The following FBXL2 variants were observed in gnomAD, a reference collection of about 807,000 sequenced individuals.
FBXL2 encodes F-box and leucine rich repeat protein 2.
FBXL2 carries 38 observed loss-of-function variants against 69.2 expected under a neutral mutation model. The ratio of observed to expected loss-of-function variants is 0.55; its 90% CI spans 0.42 to 0.72. The LOEUF is 0.72. Among genes scored for constraint, FBXL2 ranks in the 30% least tolerant of loss-of-function variants. The pLI is 0.00. For synonymous variants in FBXL2, 192 were observed against 201.3 expected (o/e 0.95, Z 0.39); for missense variants, 354 against 520.3 (o/e 0.68, Z 3.11).
At chr3:33,384,811 C>T (rs952952420) in intron 14 of FBXL2, among the ~76,000 whole-genome samples, 2 of 152,026 alleles carry the variant, frequency 1.3e-5, no homozygotes, top group African/African-American at 2.4e-5. Context: ...GAGGCCGAGG[C>T]GGGCGGATCA....
chr3:33,329,775 T>G (rs2039008673), intron 2 of FBXL2, among the ~76,000 whole-genome samples: 1 of 152,084 alleles, frequency 6.6e-6, no homozygotes, highest in South Asian at 2.1e-4. Flanking sequence ...GAGGACCGTT[T>G]GAGACCAGGA....
rs2043385309 is a variant in FBXL2, at chr3:33,385,664, A to G, written c.*56A>G. The G allele has an allele frequency of 7.2e-7, 1 of 1,386,498 alleles. No homozygotes were observed. The highest frequency in any genetic ancestry group is 1.4e-5 in the African/African-American group (1 of 70,226). The allele number at this position is 1,386,498 out of a possible 1,614,324, so 85.9% of individuals were successfully genotyped here. The stretch of plus-strand genomic sequence containing the variant: ...GGCATCCTTTCCTCTAGAAGACCTG[A>G]GTCTTCCTGACCGACTCCACCATCA... On this transcript the variant is annotated 3_prime_UTR_variant, in exon 15 of 15. Transcript: ENST00000484457.
At chr3:33,278,364 A>T (rs185030750) in intron 1 of FBXL2, 1 of 152,152 alleles carries the variant, frequency 6.6e-6, no homozygotes, top group Admixed American at 6.6e-5. Flanking sequence ...TTGCTTGGGG[A>T]CACACCCTTG....
intron 12 of FBXL2, chr3:33,396,921 G>T: frequency 1.2e-6 from 1 of 863,086 alleles, no homozygotes; most frequent in Non-Finnish European, 1.9e-6. Context: ...GCACAATGCT[G>T]CCAATGCTCG....
At chr3:33,370,417 C>CAA (rs35020611) in intron 5 of FBXL2, among the ~76,000 whole-genome samples, 6 of 129,128 alleles carry the variant, frequency 4.6e-5, no homozygotes, top group Admixed American at 7.9e-5. Context: ...GACTCCGTCT[C>CAA]AAAAAAAAAA....
At chr3:33,295,557 A>G (rs898201524) in intron 1 of FBXL2, among the ~76,000 whole-genome samples, 11 of 152,216 alleles carry the variant, frequency 7.2e-5, no homozygotes, top group African/African-American at 2.7e-4. Context: ...ATTCATGGAC[A>G]AGTTTTTGTA....
In FBXL2 at chr3:33,317,708, G is replaced by T. The variant is rs9812586; in HGVS notation, c.65+19983G>T. 3.1e-3 allele frequency: 999 copies of T among 325,900 alleles called. 11 individuals carry two copies. The highest frequency in any genetic ancestry group is 0.02 in the African/African-American group (944 of 46,212). The allele number at this position is 325,900 out of a possible 1,614,324, so 20.2% of individuals were successfully genotyped here. Reference sequence around the variant, plus strand: ...TTGGTGACTTTTAACTCCAGCCTCAGAAAGGTCTTACTTGCTCATTATTTT... The same window carrying T: ...TTGGTGACTTTTAACTCCAGCCTCATAAAGGTCTTACTTGCTCATTATTTT... On this transcript the variant is annotated intron_variant, in intron 2 of 14. Transcript: ENST00000484457.
intron 12 of FBXL2, chr3:33,397,470 T>C: frequency 6.0e-6 from 1 of 167,976 alleles, no homozygotes; most frequent in Non-Finnish European, 1.3e-5. Context: ...TGAAGAAACA[T>C]GATTCTAACC....
intron 2 of FBXL2, among the ~76,000 whole-genome samples, chr3:33,345,457 C>T (rs1046858779): frequency 1.3e-5 from 2 of 152,066 alleles, no homozygotes; most frequent in African/African-American, 2.4e-5. Context: ...TCAAAACCTA[C>T]CAGGACATTA....
At chr3:33,335,008 G>T (rs2039463508) in intron 2 of FBXL2, among the ~76,000 whole-genome samples, 1 of 152,000 alleles carries the variant, frequency 6.6e-6, no homozygotes, top group Non-Finnish European at 1.5e-5. Flanking sequence ...GGCTGAGGCG[G>T]GAGAATCACT....
intron 2 of FBXL2, among the ~76,000 whole-genome samples, chr3:33,328,214 AT>A (rs2038859330): frequency 1.3e-5 from 2 of 152,330 alleles, no homozygotes; most frequent in African/African-American, 4.8e-5. Context: ...ACACCAAAAA[AT>A]GGAAAGACAT....
At chr3:33,317,344 C>G in intron 2 of FBXL2, 1 of 397,760 alleles carries the variant, frequency 2.5e-6, no homozygotes, top group South Asian at 1.9e-5. Flanking sequence ...AAACCCAAAT[C>G]CCATTCATTC....
downstream of FBXL2, chr3:33,388,858 G>T (rs371796712): frequency 6.6e-6 from 1 of 152,184 alleles, no homozygotes; most frequent in African/African-American, 2.4e-5. Flanking sequence ...ACTCACTGAA[G>T]TAGTTTGTCT....
Position 33,355,881 on chromosome 3 carries a change from C to T in FBXL2, c.66-3086C>T, listed in dbSNP as rs560357942. ...TGTAATTCAGGGCATTACTTTTACT[C>T]GTCGAAACATGAGTCAGGAATTGGC... On this transcript the variant is annotated intron_variant, in intron 2 of 14. Transcript: ENST00000484457. 9.9e-5 allele frequency among the ~76,000 whole-genome samples: 15 copies of T among 152,244 alleles called. No homozygotes were observed. In the South Asian group the frequency reaches 2.9e-3, roughly 29 times the overall value.
chr3:33,336,863 C>T (rs1452849966), intron 2 of FBXL2, among the ~76,000 whole-genome samples: 1 of 151,574 alleles, frequency 6.6e-6, no homozygotes, highest in Non-Finnish European at 1.5e-5. Context: ...CGAGATCCCA[C>T]CACTGCACTG....
rs151236863 is a variant in FBXL2 at position 33,384,067 on chromosome 3, C to T, written c.1030C>T (p.Arg344Trp). 45 of 1,614,144 alleles carry T rather than the reference C, an allele frequency of 2.8e-5. No individual in the cohort carries two copies. Among genetic ancestry groups the T allele is most frequent in the Non-Finnish European group, 3.6e-5 (43 of 1,180,018 alleles). ...CAGTACCTGTGGCCATGAGAGGCTG[C>T]GGGTACTGGAGTTGGACAACTGCCT... ...SNSTCGHERL[R>W]VLELDNCLLI... Residue 344 changes from arginine to tryptophan, a missense_variant, in exon 14 of 15, where the codon CGG (arginine) becomes TGG (tryptophan). Arg to Trp is a moderately radical substitution (Grantham distance 101, BLOSUM62 -3). Transcript: ENST00000484457.
rs978557909 is a variant in FBXL2, at chr3:33,379,286, G to A, written c.951+545G>A. 3.3e-5 allele frequency among the ~76,000 whole-genome samples: 5 copies of A among 151,860 alleles called. No individual in the cohort carries two copies. The East Asian group carries it at 9.7e-4, about 29-fold the overall frequency. On this transcript the variant is annotated intron_variant, in intron 13 of 14. Coordinates refer to ENST00000484457, the MANE Select transcript of FBXL2 (RefSeq NM_012157.5). Reference sequence around the variant, plus strand: ...CAAAGTGCTGGGATTACAGGTGTGAGCTACCGCACCTGACCTGAATTAGCA... The same window carrying A: ...CAAAGTGCTGGGATTACAGGTGTGAACTACCGCACCTGACCTGAATTAGCA...
At chr3:33,379,150 C>G (rs575714380) in intron 13 of FBXL2, among the ~76,000 whole-genome samples, 2 of 151,950 alleles carry the variant, frequency 1.3e-5, no homozygotes, top group African/African-American at 4.8e-5. Context: ...TACAAACATG[C>G]GCCACCATGC....
intron 2 of FBXL2, among the ~76,000 whole-genome samples, chr3:33,339,569 G>A (rs2039859546): frequency 6.6e-6 from 1 of 152,060 alleles, no homozygotes; most frequent in Admixed American, 6.6e-5. Context: ...GTAAGAGGAG[G>A]GTGAGGACTG....
Sources: gnomAD v4.1 joint callset for allele counts (sites outside exome capture counted in the v4.1 genomes callset) on GRCh38, gnomAD v4.1.1 for gene constraint, MANE v1.5 for transcripts, NCBI Gene and HGNC (gene_info 2026-07-23, HGNC 2026-07-21) for gene names.